Variants in TNRC6A observed in about 807,000 individuals in gnomAD.
TNRC6A encodes trinucleotide repeat-containing gene 6A protein.
TNRC6A carries 44 observed loss-of-function variants against 221.2 expected under a neutral mutation model. The observed-to-expected ratio is 0.20, with a 90% CI of 0.16 to 0.26. The LOEUF is 0.26. Ranked by LOEUF, TNRC6A falls within the 10% of genes least tolerant of loss-of-function variation. The pLI is 1.00. For missense variants in TNRC6A, 2,199 were observed against 2,404.4 expected, an observed-to-expected ratio of 0.91 and a Z score of 1.79; for synonymous variants, 847 against 838.5, an observed-to-expected ratio of 1.01 and a Z score of -0.18.
intron 2 of TNRC6A, among the ~76,000 whole-genome samples, chr16:24,693,822 C>T (rs1418536273): frequency 1.3e-5 from 2 of 151,748 alleles, no homozygotes; most frequent in Non-Finnish European, 2.9e-5. Flanking sequence ...ATCAGTTGAG[C>T]CCAGGATGTC....
At chr16:24,722,948 G>C (rs1298015566) in intron 2 of TNRC6A, among the ~76,000 whole-genome samples, 9 of 152,082 alleles carry the variant, frequency 5.9e-5, no homozygotes, top group Admixed American at 5.9e-4. Context: ...TTCTGGCTGG[G>C]GCAGCTAAGT....
chr16:24,808,377 A>G (rs892423026), intron 17 of TNRC6A, among the ~76,000 whole-genome samples: 1 of 152,184 alleles, frequency 6.6e-6, no homozygotes, highest in South Asian at 2.1e-4. Context: ...CTGTTGGCCA[A>G]ATTTGGCCCA....
At chr16:24,626,402 C>T (rs1045809672) in intron 1 of TNRC6A, among the ~76,000 whole-genome samples, 1 of 151,992 alleles carries the variant, frequency 6.6e-6, no homozygotes, top group Non-Finnish European at 1.5e-5. Context: ...AGAAGCTGCC[C>T]GCATGACTCA....
At chr16:24,744,115 C>T (rs193220846) in intron 2 of TNRC6A, among the ~76,000 whole-genome samples, 1 of 152,280 alleles carries the variant, frequency 6.6e-6, no homozygotes, top group Non-Finnish European at 1.5e-5. Flanking sequence ...GTCCCTCAGT[C>T]TGTATTTGTC....
chr16:24,666,657 AAAAAAAAAAAAAT>A (rs1458603282), intron 2 of TNRC6A, among the ~76,000 whole-genome samples: 2 of 127,188 alleles, frequency 1.6e-5, no homozygotes, highest in African/African-American at 3.3e-5. Context: ...AAAAAAAAAA[AAAAAAAAAAAAAT>A]ATATATATAT....
intron 2 of TNRC6A, among the ~76,000 whole-genome samples, chr16:24,682,392 T>C (rs2055550268): frequency 6.7e-6 from 1 of 150,100 alleles, no homozygotes; most frequent in Non-Finnish European, 1.5e-5. Context: ...CGCCCAGCTT[T>C]TTTTTTTTTT....
chr16:24,816,603 G>A (rs2058664120), intron 19 of TNRC6A: 2 of 541,430 alleles, frequency 3.7e-6, no homozygotes, highest in African/African-American at 1.9e-5. Context: ...CATTCAGTGA[G>A]ATGATTTCAG....
Position 24,791,221 on chromosome 16 carries a change from C to T in TNRC6A, c.2579C>T (p.Thr860Ile). 6.2e-7 allele frequency: 1 copy of T among 1,614,172 alleles called. No individual in the cohort carries two copies. Among genetic ancestry groups the T allele is most frequent in the Non-Finnish European group, 8.5e-7 (1 of 1,180,022 alleles). Reference sequence around the variant, plus strand: ...TCTGCCAGTGATAACTGGGGAGAAACTTCAAGGAATAACCATTGGGGTGAG... The same window carrying T: ...TCTGCCAGTGATAACTGGGGAGAAATTTCAAGGAATAACCATTGGGGTGAG... ...SVSASDNWGE[T>I]SRNNHWGEAN... The change falls in exon 6 of 25, where the codon ACT becomes ATT. Residue 860 changes from threonine to isoleucine, a missense_variant. Physicochemically the swap from Thr to Ile is moderately conservative, Grantham distance 89. Around this residue, in one of 8 missense-constraint regions of TNRC6A, gnomAD observed 1,405 missense variants for 1,400.2 expected, o/e 1.00. Coordinates refer to ENST00000395799, the MANE Select transcript of TNRC6A (RefSeq NM_014494.4).
intron 2 of TNRC6A, among the ~76,000 whole-genome samples, chr16:24,717,781 T>C (rs1309656471): frequency 4.1e-5 from 6 of 147,800 alleles, no homozygotes; most frequent in South Asian, 2.2e-4. Context: ...TTTTTTTTTT[T>C]TTTTTTTTGA....
At chr16:24,776,199 C>G in intron 4 of TNRC6A, 2 of 920,868 alleles carry the variant, frequency 2.2e-6, no homozygotes, top group South Asian at 5.0e-5. Flanking sequence ...AAGGCATTTC[C>G]ATCCGTTTTA....
At chr16:24,730,151 G>A in intron 1 of TNRC6A, 102 bp from the exon 2 acceptor site, 2 of 376,270 alleles carry the variant, frequency 5.3e-6, no homozygotes, top group Middle Eastern at 1.1e-3. Context: ...TCCCCCATCC[G>A]GCCCCGGCGC....
intron 5 of TNRC6A, among the ~76,000 whole-genome samples, chr16:24,780,983 G>A (rs538848077): frequency 2.0e-5 from 3 of 147,916 alleles, no homozygotes; most frequent in South Asian, 2.2e-4. Flanking sequence ...CTTCCCCTTG[G>A]ACGATAAACA....
Position 24,823,401 on chromosome 16 carries a change from C to A in TNRC6A, c.5514-31C>A. ...AATGAAGCCCTCCTGGTGTGCTGTCCTCACGTGTCCGCGGTGCCTCTCTCC... is the reference window on the plus strand; with the variant it reads ...AATGAAGCCCTCCTGGTGTGCTGTCATCACGTGTCCGCGGTGCCTCTCTCC... On this transcript the variant is annotated intron_variant, in intron 24 of 24. Coordinates refer to ENST00000395799, the MANE Select transcript of TNRC6A (RefSeq NM_014494.4). This position sits in a 1 kb window ranked among gnomAD's most constrained non-coding sequence, Gnocchi z 4.3. 6.3e-7 allele frequency: 1 copy of A among 1,580,412 alleles called. No homozygotes were observed. Among genetic ancestry groups the A allele is most frequent in the Non-Finnish European group, 8.6e-7 (1 of 1,161,238 alleles).
chr16:24,711,319 T>C (rs954927401), intron 2 of TNRC6A, among the ~76,000 whole-genome samples: 3 of 152,092 alleles, frequency 2.0e-5, no homozygotes, highest in Non-Finnish European at 2.9e-5. Flanking sequence ...TCATCAGACT[T>C]TTTTTGAGGC....
intron 4 of TNRC6A, among the ~76,000 whole-genome samples, chr16:24,771,247 A>G (rs1007565783): frequency 6.6e-6 from 1 of 152,354 alleles, no homozygotes; most frequent in East Asian, 1.9e-4. Flanking sequence ...ACACACATAA[A>G]CGAAACCTTT....
Position 24,613,736 on chromosome 16 carries a change from A to G in TNRC6A, n.276+3252A>G, listed in dbSNP as rs1219022642. Among the ~76,000 whole-genome samples, 5 of 151,772 alleles carry G rather than the reference A, an allele frequency of 3.3e-5. No homozygotes were observed. The East Asian group carries it at 7.8e-4, about 24-fold the overall frequency. ...TTTTTAGTAGAAACGTGGTTTCGCC[A>G]TGTTGGCCAGGCTAGTCTCAAAATC... On this transcript the variant is annotated intron_variant and non_coding_transcript_variant, in intron 1 of 2. Transcript: ENST00000566108.
intron 1 of TNRC6A, among the ~76,000 whole-genome samples, chr16:24,633,434 G>A (rs1463862482): frequency 3.3e-5 from 5 of 151,322 alleles, no homozygotes; most frequent in Non-Finnish European, 7.4e-5. Context: ...TCACTCTGTT[G>A]CCCAGGCTGG....
rs753005808 is a variant in TNRC6A at position 24,793,618 on chromosome 16, C to A, written c.3321C>A (p.Ser1107Arg). The A allele has an allele frequency of 5.2e-6, 8 of 1,540,438 alleles. No homozygotes were observed. In the Admixed American group the frequency reaches 1.5e-4, roughly 30 times the overall value. Residue 1107 changes from serine to arginine, a missense_variant, in exon 7 of 25, where the codon AGC (serine) becomes AGA (arginine). Physicochemically the swap from Ser to Arg is moderately radical, Grantham distance 110 (BLOSUM62 -1). Coordinates refer to ENST00000395799, the MANE Select transcript of TNRC6A (RefSeq NM_014494.4). ...AASSTSTWGS[S>R]SVGPQALSKS... ...CCAGCACATCCACGTGGGGCTCCAGCTCTGTTGGTCCACAAGCATTAAGCA... is the reference window on the plus strand; with the variant it reads ...CCAGCACATCCACGTGGGGCTCCAGATCTGTTGGTCCACAAGCATTAAGCA...
chr16:24,692,972 A>G (rs977643157), intron 2 of TNRC6A, among the ~76,000 whole-genome samples: 1 of 152,208 alleles, frequency 6.6e-6, no homozygotes. Context: ...TCATATTTAC[A>G]TTCGGGTAAA....
Sources: allele counts gnomAD v4.1 joint callset (sites outside exome capture counted in the v4.1 genomes callset), GRCh38; gene constraint gnomAD v4.1.1; regional missense constraint gnomAD v4.1.1; non-coding constraint Gnocchi (gnomAD v3.1); transcripts MANE v1.5; gene names NCBI Gene and HGNC (gene_info 2026-07-23, HGNC 2026-07-21).